Variants in ROBO2 observed in about 807,000 individuals in gnomAD.
ROBO2 encodes the protein roundabout homolog 2.
ROBO2 carries 53 observed loss-of-function variants against 160.8 expected under a neutral mutation model. That is an observed-to-expected ratio of 0.33 (90% CI 0.26 to 0.41). The LOEUF (loss-of-function observed/expected upper bound fraction) is 0.41. Ranked by LOEUF, ROBO2 falls within the 10% of genes least tolerant of loss-of-function variation. ROBO2 has a pLI of 1.00. For missense variants in ROBO2, 1,577 were observed against 1,722.4 expected, an observed-to-expected ratio of 0.92 and a Z score of 1.49; for synonymous variants, 664 against 611.7, an observed-to-expected ratio of 1.09 and a Z score of -1.26.
At chr3:76,572,186 C>A (rs1297025344) in intron 2 of ROBO2, among the ~76,000 whole-genome samples, 1 of 151,956 alleles carries the variant, frequency 6.6e-6, no homozygotes, top group African/African-American at 2.4e-5. Context: ...ATCACTAACC[C>A]CATTTTAGAG....
intron 2 of ROBO2, among the ~76,000 whole-genome samples, chr3:76,317,060 C>T (rs72630398): frequency 0.091 from 13,863 of 152,206 alleles, 1,274 homozygotes; most frequent in East Asian, 0.41. Flanking sequence ...GATAAGAAGA[C>T]ATCTGTCAGT....
chr3:77,613,159 T>G (rs1365921109), intron 21 of ROBO2, among the ~76,000 whole-genome samples: 1 of 152,152 alleles, frequency 6.6e-6, no homozygotes, highest in Non-Finnish European at 1.5e-5. Context: ...ATAACTTTTC[T>G]TATGTTTTCT....
At chr3:77,635,121 T>C in intron 24 of ROBO2, 78 bp downstream of exon 25, 1 of 1,492,458 alleles carries the variant, frequency 6.7e-7, no homozygotes, top group South Asian at 1.2e-5. Flanking sequence ...ATTAATGTAG[T>C]CATGGTAGAT....
intron 2 of ROBO2, among the ~76,000 whole-genome samples, chr3:77,441,605 A>C (rs998185295): frequency 6.6e-6 from 1 of 152,182 alleles, no homozygotes; most frequent in Non-Finnish European, 1.5e-5. Flanking sequence ...ACTGCATAAG[A>C]AATCAGTGTT....
At chr3:77,409,490 T>G (rs752624204) in intron 2 of ROBO2, among the ~76,000 whole-genome samples, 1 of 152,178 alleles carries the variant, frequency 6.6e-6, no homozygotes, top group Non-Finnish European at 1.5e-5. Context: ...AGAGAGCATT[T>G]GCACCATGGC....
upstream of ROBO2, among the ~76,000 whole-genome samples, chr3:77,039,389 T>G (rs146094218): frequency 7.2e-5 from 11 of 152,312 alleles, no homozygotes; most frequent in East Asian, 2.1e-3. Context: ...GGCTGATCTT[T>G]TTCAAGAAAG....
At chr3:77,181,896 G>A (rs1013104108) in intron 2 of ROBO2, among the ~76,000 whole-genome samples, 12 of 151,950 alleles carry the variant, frequency 7.9e-5, no homozygotes, top group African/African-American at 2.7e-4. Context: ...ACATAAGTAG[G>A]GACAACTGTT....
chr3:77,054,821 T>G (rs950548355), intron 1 of ROBO2, among the ~76,000 whole-genome samples: 2 of 152,144 alleles, frequency 1.3e-5, no homozygotes, highest in South Asian at 4.1e-4. Flanking sequence ...CCATCAATGC[T>G]GTGGGGCTAC....
chr3:77,438,183 T>C (rs2079511049), intron 2 of ROBO2, among the ~76,000 whole-genome samples: 1 of 151,358 alleles, frequency 6.6e-6, no homozygotes, highest in Non-Finnish European at 1.5e-5. Context: ...TCTAGATAGA[T>C]AGATAGGTAG....
At position 76,472,114 on chromosome 3, in the gene ROBO2, C is replaced by T. The variant is rs562913563; in HGVS notation, c.109+534512C>T. On this transcript the variant is annotated intron_variant, in intron 2 of 26. Transcript: ENST00000487694. ...GTGTGTGTGTGTGCGCGTGTGCGTG[C>T]GCATGTGTATCACTTCTTCCATAAA... Among the ~76,000 whole-genome samples the T allele has an allele frequency of 5.7e-5, 8 of 141,366 alleles. 1 individual carries two copies. The highest frequency in any genetic ancestry group is 2.3e-4 in the South Asian group (1 of 4,374). The allele number at this position is 141,366 out of a possible 152,430, so 92.7% of individuals were successfully genotyped here.
intron 2 of ROBO2, among the ~76,000 whole-genome samples, chr3:76,654,579 A>G (rs1445304480): frequency 6.6e-6 from 1 of 152,126 alleles, no homozygotes; most frequent in Non-Finnish European, 1.5e-5. Context: ...AGATTAACTG[A>G]CCACCTACTG....
intron 23 of ROBO2, chr3:77,632,634 T>C: frequency 6.5e-7 from 1 of 1,535,484 alleles, no homozygotes; most frequent in Admixed American, 2.0e-5. Context: ...TTAGGCTGGA[T>C]GGAACCAGCC....
At chr3:76,972,612 C>T (rs552883705) in intron 2 of ROBO2, among the ~76,000 whole-genome samples, 1 of 152,076 alleles carries the variant, frequency 6.6e-6, no homozygotes, top group South Asian at 2.1e-4. Flanking sequence ...AATCCCAGTG[C>T]TTTGGGAAGC....
At chr3:76,305,839 T>G (rs2071317954) in intron 2 of ROBO2, among the ~76,000 whole-genome samples, 1 of 150,782 alleles carries the variant, frequency 6.6e-6, no homozygotes, top group South Asian at 2.1e-4. Context: ...AGAGCAAGAC[T>G]CCATCTCAAA....
intron 2 of ROBO2, among the ~76,000 whole-genome samples, chr3:76,337,932 C>G (rs1260118985): frequency 6.6e-6 from 1 of 151,934 alleles, no homozygotes; most frequent in Admixed American, 6.6e-5. Context: ...TATTGAAACC[C>G]CCGTGGTAAA....
chr3:76,555,358 GAGAAGAA>G lies in ROBO2; in HGVS notation c.110-542655_110-542649del, dbSNP rs1257210754. Among the ~76,000 whole-genome samples, 47 of 57,982 alleles carry G rather than the reference GAGAAGAA, an allele frequency of 8.1e-4. 1 individual carries two copies. Among genetic ancestry groups the G allele is most frequent in the African/African-American group, 2.3e-3 (44 of 19,278 alleles). 38.0% of individuals were successfully genotyped at this position (57,982 alleles called of 152,430 possible). ...AGGAAGAGGAGGAAGAGTAGGAAGAGAGAAGAAGAAGAAGAAGAAGAAGAAGAAGAAG... is the reference window on the plus strand; with the variant it reads ...AGGAAGAGGAGGAAGAGTAGGAAGAGGAAGAAGAAGAAGAAGAAGAAGAAG... On this transcript the variant is annotated intron_variant, in intron 2 of 26. Coordinates refer to the ROBO2 transcript ENST00000487694.
intron 2 of ROBO2, among the ~76,000 whole-genome samples, chr3:76,254,184 C>G (rs1040017965): frequency 6.6e-6 from 1 of 151,958 alleles, no homozygotes; most frequent in African/African-American, 2.4e-5. Context: ...ATTTGAGAAG[C>G]AAGATCTGGT....
At chr3:76,720,234 A>C (rs774747232) in intron 2 of ROBO2, among the ~76,000 whole-genome samples, 22 of 152,122 alleles carry the variant, frequency 1.4e-4, no homozygotes, top group Non-Finnish European at 2.5e-4. Context: ...CTCAGCAGAC[A>C]CTAAATTTGC....
At chr3:77,541,276 T>C (rs2092450068) in intron 6 of ROBO2, among the ~76,000 whole-genome samples, 1 of 152,168 alleles carries the variant, frequency 6.6e-6, no homozygotes, top group Non-Finnish European at 1.5e-5. Flanking sequence ...GTGATTAACC[T>C]TTAGAGTCCC....
Sources: allele counts gnomAD v4.1 joint callset (sites outside exome capture counted in the v4.1 genomes callset), GRCh38; gene constraint gnomAD v4.1.1; transcripts MANE v1.5; gene names NCBI Gene and HGNC (gene_info 2026-07-23, HGNC 2026-07-21).